The following PTCHD1 variants were observed in gnomAD, a reference collection of about 807,000 sequenced individuals.
PTCHD1 encodes the protein patched domain-containing protein 1.
In PTCHD1, 3 loss-of-function variants were observed where a neutral mutation model predicts 34.6. The observed-to-expected ratio is 0.09, with a 90% CI of 0.04 to 0.22. The LOEUF is 0.22. Ranked by LOEUF, PTCHD1 falls within the 10% of genes least tolerant of loss-of-function variation. The probability of loss-of-function intolerance (pLI) is 1.00; values close to 1 mark genes in which losing one functional copy is unlikely to be tolerated. For missense variants in PTCHD1, 504 were observed against 685.5 expected (o/e 0.74, Z 2.96); for synonymous variants, 305 against 283.1 (o/e 1.08, Z -0.77).
chrX:23,381,384 T>C (rs73205368), intron 2 of PTCHD1, among the ~76,000 whole-genome samples: 7,066 of 112,720 alleles, frequency 0.063, 235 homozygotes, highest in East Asian at 0.26. Context: ...TTTTCTATGG[T>C]AGCTTCTCAT....
In PTCHD1 at chrX:23,400,499, T is replaced by A. The variant is rs1923091592; in HGVS notation, c.*6314T>A. On this transcript the variant is annotated 3_prime_UTR_variant, in exon 3 of 3. Transcript: ENST00000379361. ...CTCAAAAAAATAAAGGACAAGTGTG[T>A]TTTATACACAAATATGCAGAAGCCC... 8.9e-6 allele frequency: 1 copy of A among 112,422 alleles called. No individual in the cohort carries two copies. Among genetic ancestry groups the A allele is most frequent in the African/African-American group, 3.2e-5 (1 of 30,940 alleles). 9.3% of individuals were successfully genotyped at this position (112,422 alleles called of 1,213,427 possible). A position where few individuals can be genotyped will look rare whatever the true frequency, so the allele number is the denominator to read the frequency against.
At chrX:23,359,374 A>C (rs1921906473) in intron 1 of PTCHD1, among the ~76,000 whole-genome samples, 1 of 111,533 alleles carries the variant, frequency 9.0e-6, no homozygotes, top group African/African-American at 3.3e-5. Flanking sequence ...ATCCCTTGTA[A>C]GTTGGATTCC....
intron 1 of PTCHD1, among the ~76,000 whole-genome samples, chrX:23,378,976 G>C (rs375580494): frequency 2.7e-5 from 3 of 112,021 alleles, no homozygotes; most frequent in African/African-American, 9.7e-5. Flanking sequence ...AGGAAAGCCA[G>C]AGACAACAAG....
chrX:23,379,644 G>A lies in PTCHD1; in HGVS notation c.405G>A (p.Thr135=), dbSNP rs746224859. The A allele has an allele frequency of 3.0e-5, 36 of 1,209,343 alleles. No individual in the cohort carries two copies. The highest frequency in any genetic ancestry group is 5.3e-5 in the African/African-American group (3 of 56,991). The change falls in exon 2 of 3, where the codon ACG becomes ACA. Residue 135 remains threonine, a synonymous_variant. Coordinates refer to ENST00000379361, the MANE Select transcript of PTCHD1 (RefSeq NM_173495.3). The stretch of plus-strand genomic sequence containing the variant: ...TTCCAAGGCCTGGTTTTAATTACAC[G>A]TTTGCCCATATATGTATCCTGAATA... ...IQVPRPGFNY[T]FAHICILNND...
In PTCHD1 at chrX:23,393,499, C is replaced by T; in HGVS notation, c.1981C>T (p.Leu661Phe). The change falls in exon 3 of 3, where the codon CTC (leucine) becomes TTC (phenylalanine). Residue 661 changes from leucine to phenylalanine, a missense_variant. By Grantham distance (22) the Leu-to-Phe change is conservative (BLOSUM62 0). Coordinates refer to ENST00000379361, the MANE Select transcript of PTCHD1 (RefSeq NM_173495.3). ...GACCATGGAAACAAACAGAGAAGAA[C>T]TCTATGATCTCTTGGAAACCCTGAG... is the stretch of plus-strand genomic sequence containing the variant. ...AKTMETNREE[L>F]YDLLETLRRL... is the part of the protein sequence containing the mutation. 2 of 1,210,749 alleles carry T rather than the reference C, an allele frequency of 1.7e-6. No individual in the cohort carries two copies. The highest frequency in any genetic ancestry group is 2.2e-6 in the Non-Finnish European group (2 of 894,529).
rs1193772586 is a variant in PTCHD1, at chrX:23,393,636, T to C, written c.2118T>C (p.Ser706=). Residue 706 remains serine (S), a synonymous_variant, in exon 3 of 3, where the codon AGT becomes AGC. Transcript: ENST00000379361. ...LGAPLHNSCI[S]ALFLLFFSAF... The stretch of plus-strand genomic sequence containing the variant: ...CCCCCCTGCACAACTCCTGCATCAG[T>C]GCTTTGTTCCTGCTCTTCTTCTCGG... 1 of 1,210,108 alleles carries C rather than the reference T, an allele frequency of 8.3e-7. No homozygotes were observed. The highest frequency in any genetic ancestry group is 1.1e-6 in the Non-Finnish European group (1 of 895,171).
upstream of PTCHD1, chrX:23,334,836 C>A (rs1202887891): frequency 1.2e-5 from 12 of 962,985 alleles, no homozygotes; most frequent in Non-Finnish European, 2.7e-6. Flanking sequence ...CCGCGCCGAG[C>A]GTGCGCCTCG....
intron 1 of PTCHD1, among the ~76,000 whole-genome samples, chrX:23,341,491 G>A (rs1181582501): frequency 1.8e-5 from 2 of 112,046 alleles, no homozygotes; most frequent in Non-Finnish European, 3.8e-5. Flanking sequence ...ACCTGATTTC[G>A]GGGCTCAGTG....
At chrX:23,347,212 T>C (rs1414050126) in intron 1 of PTCHD1, among the ~76,000 whole-genome samples, 2 of 111,881 alleles carry the variant, frequency 1.8e-5, no homozygotes, top group African/African-American at 3.3e-5. Context: ...GGGAAGGGAA[T>C]AGAAGACAGG....
At chrX:23,334,517 A>C (rs1376943714), upstream of PTCHD1, 1 of 107,044 alleles carries the variant, frequency 9.3e-6, no homozygotes, top group African/African-American at 3.4e-5. Flanking sequence ...CCGCGCTGAG[A>C]GGGGACGCGG....
chrX:23,364,379 C>A (rs1159479287), intron 1 of PTCHD1, among the ~76,000 whole-genome samples: 1 of 78,150 alleles, frequency 1.3e-5, no homozygotes, highest in African/African-American at 4.0e-5. Flanking sequence ...TAGACACACA[C>A]ACACACACAC....
chrX:23,389,812 G>A (rs1922784286), intron 2 of PTCHD1, among the ~76,000 whole-genome samples: 1 of 111,555 alleles, frequency 9.0e-6, no homozygotes, highest in South Asian at 3.7e-4. Flanking sequence ...AAGAACATAT[G>A]CAAAAAGAGC....
Position 23,397,180 on chromosome X carries a change from C to T in PTCHD1, c.*2995C>T, listed in dbSNP as rs903049221. 1 of 111,865 alleles carries T rather than the reference C, an allele frequency of 8.9e-6. No individual in the cohort carries two copies. The highest frequency in any genetic ancestry group is 1.9e-5 in the Non-Finnish European group (1 of 53,216). 9.2% of individuals were successfully genotyped at this position (111,865 alleles called of 1,213,427 possible). On this transcript the variant is annotated 3_prime_UTR_variant, in exon 3 of 3. Transcript: ENST00000379361. ...CATCAAAAATATTGCTCCTGGTCAA[C>T]TAAAAAACTGTGATACTGGGACTTT...
At chrX:23,368,037 C>G (rs1191150907) in intron 1 of PTCHD1, among the ~76,000 whole-genome samples, 1 of 108,894 alleles carries the variant, frequency 9.2e-6, no homozygotes, top group African/African-American at 3.4e-5. Flanking sequence ...TACCCATCAA[C>G]AGCATTAACA....
rs1923170517 is a variant in PTCHD1, at chrX:23,403,481, G to C, written c.*9296G>C. The C allele has an allele frequency of 8.9e-6, 1 of 111,964 alleles. No homozygotes were observed. The highest frequency in any genetic ancestry group is 1.9e-5 in the Non-Finnish European group (1 of 53,176). The allele number at this position is 111,964 out of a possible 1,213,427, so 9.2% of individuals were successfully genotyped here. A position where few individuals can be genotyped will look rare whatever the true frequency, so the allele number is the denominator to read the frequency against. On this transcript the variant is annotated 3_prime_UTR_variant, in exon 3 of 3. Coordinates refer to ENST00000379361, the MANE Select transcript of PTCHD1 (RefSeq NM_173495.3). ...CTTTTCTCCAGGAAAGGCAGAACGT[G>C]CTCAGGGTGGAATTTAATCAAAAAT...
At chrX:23,391,463 T>A (rs1331142030) in intron 2 of PTCHD1, among the ~76,000 whole-genome samples, 1 of 111,394 alleles carries the variant, frequency 9.0e-6, no homozygotes, top group Admixed American at 9.6e-5. Context: ...ATCTTATTTT[T>A]TCTGTATTTT....
intron 1 of PTCHD1, among the ~76,000 whole-genome samples, chrX:23,373,660 C>G (rs1922331190): frequency 8.9e-6 from 1 of 112,239 alleles, no homozygotes; most frequent in Admixed American, 9.4e-5. Flanking sequence ...AGAGTGAGAT[C>G]ATGCAAAGAC....
At position 23,394,862 on chromosome X, in the gene PTCHD1, AT is replaced by A. The variant is rs1922947962; in HGVS notation, c.*679del. 8.8e-6 allele frequency: 1 copy of A among 113,431 alleles called. No individual in the cohort carries two copies. The highest frequency in any genetic ancestry group is 9.3e-5 in the Admixed American group (1 of 10,773). The allele number at this position is 113,431 out of a possible 1,213,427, so 9.3% of individuals were successfully genotyped here. A position where few individuals can be genotyped will look rare whatever the true frequency, so the allele number is the denominator to read the frequency against. On this transcript the variant is annotated 3_prime_UTR_variant, in exon 3 of 3. Transcript: ENST00000379361. ...TCGTTGTCTAGAATGAAATTATCAT[AT>A]TCCGCCATTGGTATGCCTTTAACAT...
At position 23,397,927 on chromosome X, in the gene PTCHD1, G is replaced by A. The variant is rs747004315; in HGVS notation, c.*3742G>A. 1.8e-5 allele frequency: 2 copies of A among 112,017 alleles called. No individual in the cohort carries two copies. Among genetic ancestry groups the A allele is most frequent in the South Asian group, 3.8e-4 (1 of 2,631 alleles). The allele number at this position is 112,017 out of a possible 1,213,427, so 9.2% of individuals were successfully genotyped here. A position where few individuals can be genotyped will look rare whatever the true frequency, so the allele number is the denominator to read the frequency against. ...TATTAAAGTACCCCTGTAGCTTATA[G>A]TAGTGTTTGACCTCTGTGACTCTGT... On this transcript the variant is annotated 3_prime_UTR_variant, in exon 3 of 3. Transcript: ENST00000379361.
Sources: allele counts gnomAD v4.1 joint callset (sites outside exome capture counted in the v4.1 genomes callset), GRCh38; gene constraint gnomAD v4.1.1; transcripts MANE v1.5; gene names NCBI Gene and HGNC (gene_info 2026-07-23, HGNC 2026-07-21).